Variants in BTBD8 observed in about 807,000 individuals in gnomAD.
BTBD8 encodes BTB domain containing 8.
A neutral mutation model predicts 162.9 loss-of-function variants in BTBD8; 110 were observed. The observed-to-expected ratio is 0.68, with a 90% CI of 0.58 to 0.79. The LOEUF (loss-of-function observed/expected upper bound fraction) is 0.79. Ranked by LOEUF, BTBD8 falls within the 30% of genes least tolerant of loss-of-function variation. The pLI, the probability that BTBD8 is intolerant of heterozygous loss-of-function variation, is 0.00. For missense variants in BTBD8, 1,905 were observed against 2,085.4 expected (o/e 0.91, Z 1.68); for synonymous variants, 667 against 716.1 (o/e 0.93, Z 1.10).
At chr1:92,133,440 A>G (rs1649558972) in intron 5 of BTBD8, among the ~76,000 whole-genome samples, 1 of 152,230 alleles carries the variant, frequency 6.6e-6, no homozygotes, top group Non-Finnish European at 1.5e-5. Context: ...GCCTTTCCCA[A>G]TACCAGGACA....
intron 9 of BTBD8, among the ~76,000 whole-genome samples, chr1:92,149,020 A>G (rs1481704779): frequency 1.3e-5 from 2 of 152,230 alleles, no homozygotes; most frequent in East Asian, 3.8e-4. Context: ...CTACCCTTCC[A>G]GATAAGAAAC....
intron 9 of BTBD8, among the ~76,000 whole-genome samples, chr1:92,148,881 C>T (rs1570745591): frequency 6.6e-6 from 1 of 152,296 alleles, no homozygotes; most frequent in East Asian, 1.9e-4. Flanking sequence ...TGAGTTGCTA[C>T]TATACAATGT....
intron 4 of BTBD8, among the ~76,000 whole-genome samples, chr1:92,110,358 C>A (rs538446082): frequency 1.3e-5 from 2 of 152,298 alleles, no homozygotes; most frequent in African/African-American, 4.8e-5. Context: ...GTTTCAGCAT[C>A]CTTATCAGAG....
chr1:92,127,841 G>A (rs1226616959), intron 4 of BTBD8, among the ~76,000 whole-genome samples: 1 of 152,128 alleles, frequency 6.6e-6, no homozygotes, highest in African/African-American at 2.4e-5. Context: ...GATTACAGGT[G>A]TGAGCCACCG....
intron 4 of BTBD8, among the ~76,000 whole-genome samples, chr1:92,112,720 A>G (rs1648932838): frequency 6.6e-6 from 1 of 152,222 alleles, no homozygotes; most frequent in African/African-American, 2.4e-5. Flanking sequence ...AAAATTCTCA[A>G]GAGAAGGTTA....
chr1:92,163,849 T>C (rs1167822588), intron 9 of BTBD8, among the ~76,000 whole-genome samples: 1 of 152,200 alleles, frequency 6.6e-6, no homozygotes, highest in East Asian at 1.9e-4. Context: ...GTTATTTAAC[T>C]ATGTCCATAT....
At chr1:92,095,918 G>T (rs1648438973) in intron 2 of BTBD8, among the ~76,000 whole-genome samples, 1 of 151,664 alleles carries the variant, frequency 6.6e-6, no homozygotes, top group South Asian at 2.1e-4. Flanking sequence ...ACTCCCTTTA[G>T]GACTTCAACT....
At chr1:92,128,472 G>T (rs1649421526) in intron 4 of BTBD8, among the ~76,000 whole-genome samples, 1 of 152,086 alleles carries the variant, frequency 6.6e-6, no homozygotes, top group African/African-American at 2.4e-5. Context: ...TAGAGACAGG[G>T]TTTCACCATG....
intron 5 of BTBD8, 88 bp downstream of exon 5, chr1:92,129,864 G>A: frequency 9.3e-7 from 1 of 1,077,276 alleles, no homozygotes; most frequent in African/African-American, 1.6e-5. Flanking sequence ...TGATTTCCCT[G>A]GATGTTCAAG....
At chr1:92,142,106 A>G (rs987743632) in intron 7 of BTBD8, among the ~76,000 whole-genome samples, 5 of 152,220 alleles carry the variant, frequency 3.3e-5, no homozygotes, top group African/African-American at 9.6e-5. Context: ...CAACCCCATA[A>G]GGTTTACTGA....
intron 10 of BTBD8, among the ~76,000 whole-genome samples, chr1:92,167,460 A>G (rs528769823): frequency 2.6e-5 from 4 of 152,366 alleles, no homozygotes; most frequent in African/African-American, 9.6e-5. Flanking sequence ...TAATACAATT[A>G]TGATCCATGC....
chr1:92,088,991 C>A, intron 2 of BTBD8, 96 bp downstream of exon 2: 1 of 1,160,254 alleles, frequency 8.6e-7, no homozygotes, highest in Non-Finnish European at 1.2e-6. Context: ...TATTTTGTAA[C>A]CTGATAAGAA....
chr1:92,146,439 A>G (rs1051249211), intron 7 of BTBD8, among the ~76,000 whole-genome samples: 8 of 152,214 alleles, frequency 5.3e-5, no homozygotes, highest in South Asian at 2.1e-4. Flanking sequence ...GTTACAACCA[A>G]TGAGCATACA....
At chr1:92,092,869 G>A (rs997229720) in intron 2 of BTBD8, among the ~76,000 whole-genome samples, 7 of 152,030 alleles carry the variant, frequency 4.6e-5, no homozygotes, top group African/African-American at 1.4e-4. Context: ...CATGGTTTTT[G>A]CCTATAATCA....
chr1:92,112,994 A>G (rs1053943366), intron 4 of BTBD8, among the ~76,000 whole-genome samples: 1 of 152,208 alleles, frequency 6.6e-6, no homozygotes, highest in Non-Finnish European at 1.5e-5. Flanking sequence ...TTCAGCTAAC[A>G]TTAGGAAGTA....
At chr1:92,147,363 T>C (rs1649949483) in intron 8 of BTBD8, 95 bp downstream of exon 8, 5 of 1,046,332 alleles carry the variant, frequency 4.8e-6, no homozygotes, top group Non-Finnish European at 7.1e-6. Context: ...TGGCCTGTTT[T>C]CTTGGACACA....
intron 2 of BTBD8, among the ~76,000 whole-genome samples, chr1:92,090,333 C>T (rs766108118): frequency 3.3e-5 from 5 of 152,012 alleles, no homozygotes; most frequent in Non-Finnish European, 7.4e-5. Context: ...TTATTATTAC[C>T]CTCCTTGTGG....
intron 5 of BTBD8, among the ~76,000 whole-genome samples, chr1:92,134,626 C>CT (rs1252363653): frequency 2.0e-5 from 3 of 152,012 alleles, no homozygotes; most frequent in Non-Finnish European, 2.9e-5. Context: ...TAATCCTATT[C>CT]TGTTGTCTTC....
chr1:92,128,601 G>A (rs1440454072), intron 4 of BTBD8, among the ~76,000 whole-genome samples: 1 of 149,920 alleles, frequency 6.7e-6, no homozygotes, highest in Non-Finnish European at 1.5e-5. Flanking sequence ...TTTTTTTTTA[G>A]CACAGACAGG....
Sources: allele counts gnomAD v4.1 joint callset (sites outside exome capture counted in the v4.1 genomes callset), GRCh38; gene constraint gnomAD v4.1.1; transcripts MANE v1.5; gene names NCBI Gene and HGNC (gene_info 2026-07-23, HGNC 2026-07-21).